Variants in PLA2G4E observed in about 807,000 individuals in gnomAD.
PLA2G4E encodes phospholipase A2 group IVE.
PLA2G4E carries 84 observed loss-of-function variants against 109.1 expected under a neutral mutation model. The ratio of observed to expected loss-of-function variants is 0.77; its 90% CI spans 0.65 to 0.92. The LOEUF (loss-of-function observed/expected upper bound fraction) is 0.92, where lower values mean the gene tolerates loss of function less well. Ranked by LOEUF, PLA2G4E falls within the 40% of genes least tolerant of loss-of-function variation. The probability of loss-of-function intolerance (pLI) is 0.00; values close to 1 mark genes in which losing one functional copy is unlikely to be tolerated. For synonymous variants in PLA2G4E, 469 were observed against 436.1 expected, an observed-to-expected ratio of 1.08 and a Z score of -0.94; for missense variants, 1,057 against 1,076.6, an observed-to-expected ratio of 0.98 and a Z score of 0.25.
At chr15:42,040,867 G>C (rs1889303228) in intron 1 of PLA2G4E, among the ~76,000 whole-genome samples, 1 of 152,178 alleles carries the variant, frequency 6.6e-6, no homozygotes, top group African/African-American at 2.4e-5. Context: ...ATTTTTAGAA[G>C]CTTCTCTGAT....
chr15:42,022,533 G>A (rs1197518416), intron 1 of PLA2G4E, among the ~76,000 whole-genome samples: 1 of 151,946 alleles, frequency 6.6e-6, no homozygotes, highest in Non-Finnish European at 1.5e-5. Context: ...TCCATCTGGG[G>A]GTTATGGGAG....
At position 41,988,161 on chromosome 15, in the gene PLA2G4E, G is replaced by A. The variant is rs554451858; in HGVS notation, c.1724-5C>T. ...AGAAGATGCTGCTCCACAGGCCTGG[G>A]AGCCAGGGCCAGCGTGAGCAGCTCC... On this transcript the variant is annotated splice_region_variant and splice_polypyrimidine_tract_variant and intron_variant, in intron 15 of 19. Coordinates refer to ENST00000399518, the Ensembl canonical transcript of PLA2G4E. 2.1e-5 allele frequency: 33 copies of A among 1,585,688 alleles called. No homozygotes were observed. The Admixed American group carries it at 2.3e-4, about 11-fold the overall frequency.
intron 1 of PLA2G4E, among the ~76,000 whole-genome samples, chr15:42,015,235 G>A (rs189893523): frequency 6.6e-6 from 1 of 152,220 alleles, no homozygotes; most frequent in Admixed American, 6.5e-5. Context: ...ATTACTTTCT[G>A]CCTCCCAGAG....
chr15:42,006,285 T>A, intron 3 of PLA2G4E, 164 bp from the exon 4 acceptor site: 1 of 811,002 alleles, frequency 1.2e-6, no homozygotes, highest in Non-Finnish European at 1.8e-6. Context: ...GGAAACGAAT[T>A]AAGGAAGGCA....
At chr15:42,027,304 G>A (rs1349384342) in intron 1 of PLA2G4E, among the ~76,000 whole-genome samples, 1 of 152,200 alleles carries the variant, frequency 6.6e-6, no homozygotes, top group Non-Finnish European at 1.5e-5. Context: ...TTTCTGCTGG[G>A]AGGGGATGGG....
chr15:42,006,457 C>A (rs1328438867), intron 3 of PLA2G4E, among the ~76,000 whole-genome samples: 1 of 152,184 alleles, frequency 6.6e-6, no homozygotes, highest in Non-Finnish European at 1.5e-5. Context: ...AAAGAGCAAG[C>A]AAGACCCCTG....
intron 1 of PLA2G4E, among the ~76,000 whole-genome samples, chr15:42,015,407 C>T (rs756454155): frequency 3.3e-5 from 5 of 152,224 alleles, no homozygotes; most frequent in Non-Finnish European, 7.3e-5. Context: ...GGGAGCCGCT[C>T]CCGTTTCACC....
rs1045982977 is a variant in PLA2G4E, at chr15:41,993,032, G to A, written c.1248-73C>T. On this transcript the variant is annotated intron_variant, in intron 12 of 19. Transcript: ENST00000399518. ...GATGAGTCCTGGACCCGGGCAGGAG[G>A]GAAGGTGGGCAGGCCATTGAGAACC... 5 of 1,372,462 alleles carry A rather than the reference G, an allele frequency of 3.6e-6. No individual in the cohort carries two copies. The African/African-American group carries it at 4.3e-5, about 12-fold the overall frequency. 85.0% of individuals were successfully genotyped at this position (1,372,462 alleles called of 1,614,324 possible). A position where few individuals can be genotyped will look rare whatever the true frequency, so the allele number is the denominator to read the frequency against.
At chr15:42,003,570 G>A (rs1047101846) in intron 5 of PLA2G4E, among the ~76,000 whole-genome samples, 2 of 152,230 alleles carry the variant, frequency 1.3e-5, no homozygotes, top group Non-Finnish European at 2.9e-5. Flanking sequence ...AGAATTGGAG[G>A]GGAGAGCTTC....
intron 1 of PLA2G4E, among the ~76,000 whole-genome samples, chr15:42,015,490 C>T (rs28583782): frequency 6.6e-6 from 1 of 152,234 alleles, no homozygotes; most frequent in Non-Finnish European, 1.5e-5. Context: ...GGTAGGGCTC[C>T]CTGCCTCTGT....
chr15:42,028,159 CT>C (rs2068707910), intron 1 of PLA2G4E, among the ~76,000 whole-genome samples: 1 of 152,182 alleles, frequency 6.6e-6, no homozygotes, highest in Admixed American at 6.5e-5. Context: ...AGGGACTGGT[CT>C]AAGTATTTTA....
chr15:41,992,587 C>T (rs1221558790), intron 13 of PLA2G4E, 150 bp downstream of exon 13: 22 of 747,858 alleles, frequency 2.9e-5, no homozygotes, highest in Admixed American at 1.1e-4. Flanking sequence ...TCATAGAGTC[C>T]GACACCTTAT....
chr15:41,989,073 A>G (rs1178106566), intron 15 of PLA2G4E, among the ~76,000 whole-genome samples: 1 of 152,046 alleles, frequency 6.6e-6, no homozygotes, highest in Non-Finnish European at 1.5e-5. Context: ...CCTGCCCCTT[A>G]CCCTGTGGTC....
chr15:42,046,725 G>A (rs979681898), intron 1 of PLA2G4E, among the ~76,000 whole-genome samples: 5 of 152,174 alleles, frequency 3.3e-5, no homozygotes, highest in African/African-American at 1.2e-4. Context: ...GGTGCATAGT[G>A]GGAGCTCAGT....
chr15:42,022,727 T>C (rs1370629955), intron 1 of PLA2G4E, among the ~76,000 whole-genome samples: 1 of 152,096 alleles, frequency 6.6e-6, no homozygotes. Context: ...AGATGAAGCT[T>C]CACTCACTCG....
intron 1 of PLA2G4E, among the ~76,000 whole-genome samples, chr15:42,022,087 A>ATTTTTTTT (rs151004742): frequency 0.042 from 6,403 of 152,164 alleles, 424 homozygotes; most frequent in African/African-American, 0.14. Context: ...CACAAATTCA[A>ATTTTTTTT]TTTAGTTCAT....
At chr15:42,018,498 T>C (rs1041413161) in intron 1 of PLA2G4E, among the ~76,000 whole-genome samples, 1 of 151,992 alleles carries the variant, frequency 6.6e-6, no homozygotes, top group Non-Finnish European at 1.5e-5. Context: ...CAGGCATTCA[T>C]CCTTCATGAG....
intron 13 of PLA2G4E, 117 bp from the exon 14 acceptor site, chr15:41,990,352 G>A (rs968731013): frequency 1.5e-5 from 13 of 894,320 alleles, no homozygotes; most frequent in Non-Finnish European, 2.3e-5. Context: ...GAGCTCACCG[G>A]GCTGCTGTAT....
At chr15:42,040,695 A>C (rs1343412603) in intron 1 of PLA2G4E, among the ~76,000 whole-genome samples, 1 of 152,264 alleles carries the variant, frequency 6.6e-6, no homozygotes, top group Non-Finnish European at 1.5e-5. Flanking sequence ...ATAAAAACTG[A>C]CAAAAGATAT....
Sources: allele counts gnomAD v4.1 joint callset (sites outside exome capture counted in the v4.1 genomes callset), GRCh38; gene constraint gnomAD v4.1.1; transcripts MANE v1.5; gene names NCBI Gene and HGNC (gene_info 2026-07-23, HGNC 2026-07-21).